Variants in CNTN4 observed in about 807,000 individuals in gnomAD.
CNTN4 encodes contactin-4.
In CNTN4, 77 loss-of-function variants were observed where a neutral mutation model predicts 122.5. That is an observed-to-expected ratio of 0.63 (90% confidence interval 0.52 to 0.76). CNTN4 has a LOEUF of 0.76. Among genes scored for constraint, CNTN4 ranks in the 30% least tolerant of loss-of-function variants. The pLI, the probability that CNTN4 is intolerant of heterozygous loss-of-function variation, is 0.00. For synonymous variants in CNTN4, 512 were observed against 447.0 expected (o/e 1.15, Z -1.83); for missense variants, 1,256 against 1,259.1 (o/e 1.00, Z 0.04).
Position 3,050,615 on chromosome 3 carries a change from C to A in CNTN4, c.2812-3192C>A, listed in dbSNP as rs567790284. 2.6e-5 allele frequency among the ~76,000 whole-genome samples: 4 copies of A among 151,998 alleles called. 1 individual carries two copies. In the South Asian group the frequency reaches 8.3e-4, roughly 32 times the overall value. On this transcript the variant is annotated intron_variant, in intron 23 of 24. Transcript: ENST00000418658. ...CCCGTCTCTGCTAAAAATATAAAAT[C>A]AGCAGGGCATGGTGGCGCATGCCTG... is the stretch of plus-strand genomic sequence containing the variant.
chr3:2,921,755 A>G (rs375430538), intron 12 of CNTN4, among the ~76,000 whole-genome samples: 13 of 152,322 alleles, frequency 8.5e-5, no homozygotes, highest in African/African-American at 3.1e-4. Flanking sequence ...TAGGACTGCC[A>G]CTGCATATCT....
At chr3:2,608,180 T>G (rs2081337523) in intron 4 of CNTN4, among the ~76,000 whole-genome samples, 1 of 152,298 alleles carries the variant, frequency 6.6e-6, no homozygotes, top group East Asian at 1.9e-4. Flanking sequence ...CTGATACAGT[T>G]GTTAAATCCA....
At chr3:2,169,649 C>A (rs546524049) in intron 2 of CNTN4, among the ~76,000 whole-genome samples, 8 of 151,744 alleles carry the variant, frequency 5.3e-5, no homozygotes, top group South Asian at 4.2e-4. Context: ...CACCCGCCTC[C>A]GCCTCCCAAA....
At chr3:2,714,084 T>A (rs957635165) in intron 4 of CNTN4, among the ~76,000 whole-genome samples, 3 of 152,188 alleles carry the variant, frequency 2.0e-5, no homozygotes. Flanking sequence ...ATAATAGCAC[T>A]AGCAATCTAG....
At chr3:2,557,658 G>A (rs2149401627) in intron 3 of CNTN4, among the ~76,000 whole-genome samples, 1 of 152,002 alleles carries the variant, frequency 6.6e-6, no homozygotes, top group Admixed American at 6.6e-5. Context: ...GAACCTGGGA[G>A]GCGGAGCTTG....
chr3:2,543,335 C>G (rs1490438998), intron 3 of CNTN4, among the ~76,000 whole-genome samples: 3 of 151,960 alleles, frequency 2.0e-5, no homozygotes, highest in Non-Finnish European at 4.4e-5. Context: ...AAAACAAAAC[C>G]CAGAGGAAAA....
At chr3:2,309,408 G>A (rs887899148) in intron 2 of CNTN4, among the ~76,000 whole-genome samples, 1 of 152,112 alleles carries the variant, frequency 6.6e-6, no homozygotes, top group African/African-American at 2.4e-5. Flanking sequence ...AAAAGCCAGT[G>A]TATAAATATC....
intron 12 of CNTN4, among the ~76,000 whole-genome samples, chr3:2,919,034 T>C (rs2094399453): frequency 6.6e-6 from 1 of 151,868 alleles, no homozygotes; most frequent in Non-Finnish European, 1.5e-5. Flanking sequence ...ATGCCAGAAG[T>C]CAGACAAAAG....
intron 2 of CNTN4, among the ~76,000 whole-genome samples, chr3:2,331,688 C>G (rs2150299128): frequency 6.6e-6 from 1 of 152,220 alleles, no homozygotes; most frequent in East Asian, 1.9e-4. Context: ...CAGGGAGATT[C>G]ATTCCTTGTC....
At chr3:2,647,330 G>A (rs1226174193) in intron 4 of CNTN4, among the ~76,000 whole-genome samples, 3 of 151,882 alleles carry the variant, frequency 2.0e-5, no homozygotes, top group African/African-American at 4.8e-5. Context: ...GCAGTGAGCC[G>A]AGATTACACC....
At chr3:2,270,466 A>G (rs1477762861) in intron 2 of CNTN4, among the ~76,000 whole-genome samples, 5 of 151,998 alleles carry the variant, frequency 3.3e-5, no homozygotes, top group Admixed American at 3.3e-4. Flanking sequence ...GTATATATAT[A>G]TATGGGATTG....
In CNTN4 at chr3:2,950,973, G is replaced by C. The variant is rs1012976768; in HGVS notation, c.1358+25194G>C. Among the ~76,000 whole-genome samples, 4 of 152,296 alleles carry C rather than the reference G, an allele frequency of 2.6e-5. No individual in the cohort carries two copies. The East Asian group carries it at 5.8e-4, about 22-fold the overall frequency. ...AATGGACATTAAATACATATATGAT[G>C]AATGAATTCACTAGCTGTATCACTT... On this transcript the variant is annotated intron_variant, in intron 13 of 24. Transcript: ENST00000418658.
rs150781435 is a variant in CNTN4, at chr3:3,042,813, A to G, written c.2512-164A>G. 49 of 655,538 alleles carry G rather than the reference A, an allele frequency of 7.5e-5. No individual in the cohort carries two copies. The African/African-American group carries it at 8.4e-4, about 11-fold the overall frequency. The allele number at this position is 655,538 out of a possible 1,614,324, so 40.6% of individuals were successfully genotyped here. ...AAAAAAGGGACCCTTCTTACTTTGG[A>G]TAATTTCTCAGGATATACAGAGTCC... On this transcript the variant is annotated intron_variant, in intron 21 of 24. Transcript: ENST00000418658.
chr3:2,566,047 C>T (rs566743676), intron 3 of CNTN4, among the ~76,000 whole-genome samples: 42 of 152,282 alleles, frequency 2.8e-4, no homozygotes, highest in African/African-American at 8.4e-4. Flanking sequence ...CGTAGCCTTC[C>T]GACAAAGTCT....
intron 2 of CNTN4, among the ~76,000 whole-genome samples, chr3:2,210,987 A>G (rs944113069): frequency 2.6e-5 from 4 of 152,188 alleles, no homozygotes; most frequent in Non-Finnish European, 5.9e-5. Context: ...AGTGTGTATT[A>G]GGCCATTTTT....
rs536950730 is a variant in CNTN4 at position 2,965,024 on chromosome 3, T to G, written c.1359-23321T>G. On this transcript the variant is annotated intron_variant, in intron 13 of 24. Coordinates refer to ENST00000418658, the MANE Select transcript of CNTN4 (RefSeq NM_175607.3). ...TTTTCTGATGTGTAAATGGAATGAT[T>G]GGCCCTTCCCAACTCCAGTGGTCTG... Among the ~76,000 whole-genome samples the G allele has an allele frequency of 6.6e-5, 10 of 152,322 alleles. No homozygotes were observed. The South Asian group carries it at 1.9e-3, about 28-fold the overall frequency.
At chr3:2,395,401 A>G (rs550591117) in intron 3 of CNTN4, among the ~76,000 whole-genome samples, 8 of 152,298 alleles carry the variant, frequency 5.3e-5, no homozygotes, top group African/African-American at 1.9e-4. Context: ...TGATAAAAGT[A>G]TTTTATATAT....
At chr3:2,099,857 G>C (rs912442814) in intron 1 of CNTN4, 1 of 152,384 alleles carries the variant, frequency 6.6e-6, no homozygotes, top group Non-Finnish European at 1.5e-5. Flanking sequence ...CAAAATCTTC[G>C]TGCATTTTCT....
intron 6 of CNTN4, among the ~76,000 whole-genome samples, chr3:2,766,817 C>T (rs1305258768): frequency 2.0e-5 from 3 of 152,160 alleles, no homozygotes; most frequent in East Asian, 1.9e-4. Flanking sequence ...AGGACACATT[C>T]GCCATATGTC....
Sources: allele counts gnomAD v4.1 joint callset (sites outside exome capture counted in the v4.1 genomes callset), GRCh38; gene constraint gnomAD v4.1.1; transcripts MANE v1.5; gene names NCBI Gene and HGNC (gene_info 2026-07-23, HGNC 2026-07-21).